AAK1: variants seen among roughly 807,000 people sequenced by gnomAD.
AAK1 encodes the protein AP2-associated protein kinase 1.
Under a neutral mutation model 116.0 loss-of-function variants are expected in AAK1, and 37 were observed. That is an observed-to-expected ratio of 0.32 (90% CI 0.25 to 0.42). AAK1 has a LOEUF of 0.42. Among genes scored for constraint, AAK1 ranks in the 10% least tolerant of loss-of-function variants. AAK1 has a pLI of 1.00. For synonymous variants in AAK1, 458 were observed against 439.9 expected (o/e 1.04, Z -0.51); for missense variants, 919 against 1,170.6 (o/e 0.79, Z 3.14).
intron 9 of AAK1, among the ~76,000 whole-genome samples, chr2:69,526,008 T>TG (rs2105012820): frequency 6.6e-6 from 1 of 152,152 alleles, no homozygotes; most frequent in East Asian, 1.9e-4. Flanking sequence ...TGTTTCCAGG[T>TG]GGGGGGAGAT....
At chr2:69,499,056 C>G (rs1347352284) in intron 16 of AAK1, among the ~76,000 whole-genome samples, 2 of 152,210 alleles carry the variant, frequency 1.3e-5, no homozygotes, top group African/African-American at 2.4e-5. Flanking sequence ...GCCGGTCAGC[C>G]CCAGTGTGCC....
At chr2:69,594,623 C>G (rs988887387) in intron 2 of AAK1, 8 of 521,692 alleles carry the variant, frequency 1.5e-5, no homozygotes, top group African/African-American at 3.9e-5. Context: ...AGTGAGGCCT[C>G]TTGTACCAAA....
intron 2 of AAK1, among the ~76,000 whole-genome samples, chr2:69,605,210 C>T (rs549318536): frequency 6.6e-4 from 100 of 152,286 alleles, no homozygotes; most frequent in African/African-American, 2.4e-3. Context: ...ACCTTTACTA[C>T]TAAAAGCCAG....
At chr2:69,611,184 G>A (rs966559845) in intron 2 of AAK1, among the ~76,000 whole-genome samples, 5 of 152,328 alleles carry the variant, frequency 3.3e-5, no homozygotes, top group East Asian at 3.9e-4. Flanking sequence ...CAATGTGGGT[G>A]GGCACCATCC....
At chr2:69,503,954 G>A (rs1035333850) in intron 16 of AAK1, among the ~76,000 whole-genome samples, 8 of 149,340 alleles carry the variant, frequency 5.4e-5, no homozygotes, top group African/African-American at 1.5e-4. Flanking sequence ...AGCCAAGATC[G>A]CACCATTGCA....
In AAK1 at chr2:69,473,627, A is replaced by C. The variant is rs1674753176; in HGVS notation, c.*2242T>G. Reference sequence around the variant, plus strand: ...ATATATTTCAATGTAATTATGGGTAATATATGAAAAGAACAATTTAGAGAT... The same window carrying C: ...ATATATTTCAATGTAATTATGGGTACTATATGAAAAGAACAATTTAGAGAT... On this transcript the variant is annotated 3_prime_UTR_variant, in exon 22 of 22. Coordinates refer to ENST00000409085, the MANE Select transcript of AAK1 (RefSeq NM_014911.5). 1 of 983,154 alleles carries C rather than the reference A, an allele frequency of 1.0e-6. No individual in the cohort carries two copies. Among genetic ancestry groups the C allele is most frequent in the African/African-American group, 1.7e-5 (1 of 57,166 alleles). The allele number at this position is 983,154 out of a possible 1,614,324, so 60.9% of individuals were successfully genotyped here. A position where few individuals can be genotyped will look rare whatever the true frequency, so the allele number is the denominator to read the frequency against.
chr2:69,500,050 T>C (rs1675910011), intron 16 of AAK1: 1 of 152,194 alleles, frequency 6.6e-6, no homozygotes, highest in Non-Finnish European at 1.5e-5. Flanking sequence ...TTTTGCAGCT[T>C]TTACCATACA....
Position 69,578,209 on chromosome 2 carries a change from C to T in AAK1, c.164-21231G>A, listed in dbSNP as rs114467066. On this transcript the variant is annotated intron_variant, in intron 2 of 21. Transcript: ENST00000409085. ...CGATAGGGTTACATTAGTAAGAAGA[C>T]GTGATGGGAGTGCGGAAAATGTTTT... Among the ~76,000 whole-genome samples, 497 of 152,288 alleles carry T rather than the reference C, an allele frequency of 3.3e-3. 4 individuals carry two copies. The highest frequency in any genetic ancestry group is 0.011 in the African/African-American group (476 of 41,554).
chr2:69,572,171 G>A (rs897414583), intron 2 of AAK1, among the ~76,000 whole-genome samples: 1 of 152,150 alleles, frequency 6.6e-6, no homozygotes, highest in Non-Finnish European at 1.5e-5. Context: ...CTAGGGTGAG[G>A]GGAGTGAGGC....
chr2:69,594,426 G>A (rs1457947564), intron 2 of AAK1, among the ~76,000 whole-genome samples: 1 of 152,138 alleles, frequency 6.6e-6, no homozygotes, highest in East Asian at 1.9e-4. Context: ...GGATAACTTT[G>A]AACTTATTTG....
intron 2 of AAK1, among the ~76,000 whole-genome samples, chr2:69,581,662 C>T (rs1159050945): frequency 1.3e-5 from 2 of 152,032 alleles, no homozygotes; most frequent in African/African-American, 4.8e-5. Flanking sequence ...TGACGCAAAA[C>T]ACTTTCTTTA....
In AAK1 at chr2:69,552,555, T is replaced by C. The variant is rs143387673; in HGVS notation, c.282+4305A>G. On this transcript the variant is annotated intron_variant, in intron 3 of 21. Coordinates refer to ENST00000409085, the MANE Select transcript of AAK1 (RefSeq NM_014911.5). ...GGTGAAACCCCATCTCTACTAAAAA[T>C]ACAAAAATAACTGGGCATGGTGGCG... 1.5e-3 allele frequency among the ~76,000 whole-genome samples: 222 copies of C among 151,686 alleles called. 1 individual carries two copies. Among genetic ancestry groups the C allele is most frequent in the East Asian group, 0.014 (70 of 5,160 alleles).
rs116427182 is a variant in AAK1 at position 69,603,037 on chromosome 2, A to G, written c.163+39841T>C. 1.9e-3 allele frequency among the ~76,000 whole-genome samples: 293 copies of G among 152,330 alleles called. 1 individual carries two copies. Among genetic ancestry groups the G allele is most frequent in the African/African-American group, 6.4e-3 (265 of 41,578 alleles). On this transcript the variant is annotated intron_variant, in intron 2 of 21. Transcript: ENST00000409085. The stretch of plus-strand genomic sequence containing the variant: ...AAAATCAAGTTGGTTCAAAAAAGTA[A>G]GGATGAATGGATGGAGGGATGGACA...
intron 21 of AAK1, among the ~76,000 whole-genome samples, 179 bp downstream of exon 21, chr2:69,476,701 A>C (rs1253644080): frequency 6.6e-6 from 1 of 152,222 alleles, no homozygotes; most frequent in Non-Finnish European, 1.5e-5. Context: ...CACCACGGTC[A>C]AACTTTAAAG....
At position 69,642,885 on chromosome 2, in the gene AAK1, C is replaced by T. The variant is rs1197738836; in HGVS notation, c.156G>A (p.Leu52=). The T allele has an allele frequency of 6.2e-7, 1 of 1,613,920 alleles. No individual in the cohort carries two copies. Among genetic ancestry groups the T allele is most frequent in the Admixed American group, 1.7e-5 (1 of 60,018 alleles). Residue 52 remains leucine (L), a synonymous_variant, in exon 2 of 22, where the codon TTG becomes TTA. Coordinates refer to ENST00000409085, the MANE Select transcript of AAK1 (RefSeq NM_014911.5). ...GRQQVTVDEV[L]AEGGFAIVFL... is the part of the protein sequence containing the mutation. ...CATTGAGCCCCACCGTACCTTCCGC[C>T]AACACCTCGTCCACTGTGACCTGCT...
chr2:69,500,447 T>G (rs1675923230), intron 16 of AAK1: 1 of 151,836 alleles, frequency 6.6e-6, no homozygotes, highest in African/African-American at 2.4e-5. Flanking sequence ...ATAACTACAG[T>G]TTTTGAGCTG....
Position 69,474,761 on chromosome 2 carries a change from C to T in AAK1, c.*1108G>A. 1.0e-6 allele frequency: 1 copy of T among 985,668 alleles called. No individual in the cohort carries two copies. The highest frequency in any genetic ancestry group is 1.2e-6 in the Non-Finnish European group (1 of 829,892). The allele number at this position is 985,668 out of a possible 1,614,324, so 61.1% of individuals were successfully genotyped here. A position where few individuals can be genotyped will look rare whatever the true frequency, so the allele number is the denominator to read the frequency against. ...CACACAAGTCTATTCAAAATGATTC[C>T]ATATGTTACACTGTAGGATTGTTGT... is the stretch of plus-strand genomic sequence containing the variant. On this transcript the variant is annotated 3_prime_UTR_variant, in exon 22 of 22. Transcript: ENST00000409085.
At chr2:69,572,709 G>A (rs188684170) in intron 2 of AAK1, among the ~76,000 whole-genome samples, 463 of 151,810 alleles carry the variant, frequency 3.0e-3, no homozygotes, top group Non-Finnish European at 3.8e-3. Flanking sequence ...CACTTGAGGC[G>A]AGTGGCTCAC....
chr2:69,550,966 T>C (rs934923573), intron 3 of AAK1, among the ~76,000 whole-genome samples: 1 of 152,136 alleles, frequency 6.6e-6, no homozygotes, highest in Non-Finnish European at 1.5e-5. Flanking sequence ...TAGTTCATAA[T>C]ACTAGACAAT....
Sources: allele counts gnomAD v4.1 joint callset (sites outside exome capture counted in the v4.1 genomes callset), GRCh38; gene constraint gnomAD v4.1.1; transcripts MANE v1.5; gene names NCBI Gene and HGNC (gene_info 2026-07-23, HGNC 2026-07-21).